Variants in SH3PXD2B observed in about 807,000 individuals in gnomAD.
SH3PXD2B encodes the protein SH3 and PX domains 2B, also known as SH3 and PX domain-containing protein 2B.
In SH3PXD2B, 37 loss-of-function variants were observed where a neutral mutation model predicts 73.1. The ratio of observed to expected loss-of-function variants is 0.51; its 90% CI spans 0.39 to 0.67. The LOEUF is 0.67. Ranked by LOEUF, SH3PXD2B falls within the 30% of genes least tolerant of loss-of-function variation. The pLI is 0.00. For missense variants in SH3PXD2B, 1,053 were observed against 1,197.8 expected (o/e 0.88, Z 1.78); for synonymous variants, 457 against 480.5 (o/e 0.95, Z 0.64).
At chr5:172,392,359 C>T (rs2113394595) in intron 4 of SH3PXD2B, among the ~76,000 whole-genome samples, 1 of 152,308 alleles carries the variant, frequency 6.6e-6, no homozygotes, top group Non-Finnish European at 1.5e-5. Context: ...CCTAGACTTC[C>T]AGTCTCCAGA....
At chr5:172,327,206 AATT>A (rs1174308492) in intron 12 of SH3PXD2B, among the ~76,000 whole-genome samples, 1 of 152,184 alleles carries the variant, frequency 6.6e-6, no homozygotes, top group Non-Finnish European at 1.5e-5. Flanking sequence ...AAACAATAAA[AATT>A]ATTATGCGCT....
At position 172,350,503 on chromosome 5, in the gene SH3PXD2B, G is replaced by T. The variant is rs761819354; in HGVS notation, c.872C>A (p.Ser291Ter). 6.2e-7 allele frequency: 1 copy of T among 1,614,054 alleles called. No homozygotes were observed. The highest frequency in any genetic ancestry group is 1.7e-5 in the Admixed American group (1 of 60,008). The change falls in exon 10 of 13, where the codon TCA becomes TAA. Residue 291 changes from serine (S) to a stop codon, truncating the protein, a stop_gained. Transcript: ENST00000311601. LOFTEE classifies it high-confidence loss of function. ...GTCAAGGGCACCCGGGTGGGAGGGTGAGCCAGGGCCTGGCTTCGGGGGCAA... is the reference window on the plus strand; with the variant it reads ...GTCAAGGGCACCCGGGTGGGAGGGTTAGCCAGGGCCTGGCTTCGGGGGCAA... ...EPLPPKPGPGSPSHPGALDLD... is the reference protein window; with the variant it reads ...EPLPPKPGPG
chr5:172,392,727 G>A (rs940023019), intron 4 of SH3PXD2B, among the ~76,000 whole-genome samples: 2 of 152,210 alleles, frequency 1.3e-5, no homozygotes, highest in African/African-American at 4.8e-5. Flanking sequence ...GGAGGTTGTA[G>A]TGAGCCGAGA....
intron 5 of SH3PXD2B, among the ~76,000 whole-genome samples, chr5:172,379,141 G>T (rs1166325830): frequency 6.7e-6 from 1 of 150,264 alleles, no homozygotes; most frequent in Non-Finnish European, 1.5e-5. Context: ...ACTAACCCCA[G>T]TGTGATGGTG....
rs528214105 is a variant in SH3PXD2B, at chr5:172,339,684, G to A, written c.1421C>T (p.Pro474Leu). ...CAACCCCGAGTCCATGACACCATGC[G>A]GTGCGTCAGGCAGGGGCCGGGAGGG... ...TGPSRPLPDA[P>L]HGVMDSGLPW... is the part of the protein sequence containing the mutation. Residue 474 changes from proline (P) to leucine (L), a missense_variant, in exon 13 of 13, where the codon CCG becomes CTG. Pro to Leu is a moderately conservative substitution (Grantham distance 98). Coordinates refer to ENST00000311601, the MANE Select transcript of SH3PXD2B (RefSeq NM_001017995.3). This position sits in a 1 kb window ranked among gnomAD's most constrained non-coding sequence, Gnocchi z 6.1. 1.3e-5 allele frequency: 21 copies of A among 1,614,244 alleles called. No homozygotes were observed. The Admixed American group carries it at 1.8e-4, about 14-fold the overall frequency.
intron 2 of SH3PXD2B, among the ~76,000 whole-genome samples, chr5:172,413,210 TGGGG>T: frequency 6.6e-6 from 1 of 152,212 alleles, no homozygotes; most frequent in Non-Finnish European, 1.5e-5. Context: ...CACAAGGTCC[TGGGG>T]CAGGGCTTTC....
At chr5:172,370,802 C>T (rs1394525712) in intron 6 of SH3PXD2B, among the ~76,000 whole-genome samples, 2 of 152,192 alleles carry the variant, frequency 1.3e-5, no homozygotes, top group African/African-American at 2.4e-5. Context: ...CAGGAGTCTC[C>T]ACTTAGGCTT....
chr5:172,437,127 C>T (rs1424542963), intron 1 of SH3PXD2B, among the ~76,000 whole-genome samples: 1 of 152,062 alleles, frequency 6.6e-6, no homozygotes, highest in Non-Finnish European at 1.5e-5. Context: ...TAAGTATGGT[C>T]CTCGTGGGTG....
At chr5:172,417,108 T>A (rs1048735586) in intron 2 of SH3PXD2B, among the ~76,000 whole-genome samples, 2 of 152,118 alleles carry the variant, frequency 1.3e-5, no homozygotes, top group Non-Finnish European at 2.9e-5. Flanking sequence ...CCTGCCCCCG[T>A]TGGAGGGGGC....
chr5:172,452,482 C>T (rs998303599), intron 1 of SH3PXD2B, among the ~76,000 whole-genome samples: 1 of 152,136 alleles, frequency 6.6e-6, no homozygotes, highest in Admixed American at 6.5e-5. Context: ...TTTTGGGGTC[C>T]AGCGGGCCTG....
chr5:172,373,344 C>T (rs559076627), intron 6 of SH3PXD2B, among the ~76,000 whole-genome samples: 90 of 152,314 alleles, frequency 5.9e-4, no homozygotes, highest in African/African-American at 2.1e-3. Flanking sequence ...TCCCTTATCA[C>T]ACCTGAGAAG....
intron 1 of SH3PXD2B, among the ~76,000 whole-genome samples, chr5:172,453,161 G>A (rs1178676255): frequency 1.3e-5 from 2 of 152,116 alleles, no homozygotes; most frequent in African/African-American, 4.8e-5. Context: ...GGGAGGCCAA[G>A]GAGCTTAATT....
At chr5:172,380,580 C>G (rs1561914156) in intron 5 of SH3PXD2B, among the ~76,000 whole-genome samples, 1 of 152,212 alleles carries the variant, frequency 6.6e-6, no homozygotes, top group Non-Finnish European at 1.5e-5. Flanking sequence ...TACCAGACAC[C>G]AACGCCAAAG....
At chr5:172,348,191 G>T (rs892932773) in intron 10 of SH3PXD2B, among the ~76,000 whole-genome samples, 1 of 152,174 alleles carries the variant, frequency 6.6e-6, no homozygotes, top group African/African-American at 2.4e-5. Context: ...TTGCAGCCAG[G>T]TATTGCCACG....
chr5:172,330,911 C>T (rs887769694), downstream of SH3PXD2B, among the ~76,000 whole-genome samples: 5 of 152,194 alleles, frequency 3.3e-5, no homozygotes, highest in African/African-American at 1.2e-4. Context: ...AAGTTAGATC[C>T]TGGCTGGGCG....
intron 1 of SH3PXD2B, among the ~76,000 whole-genome samples, chr5:172,423,019 C>T (rs1759008017): frequency 6.6e-6 from 1 of 152,080 alleles, no homozygotes; most frequent in Non-Finnish European, 1.5e-5. Context: ...CTTCCTCTGC[C>T]TCCTCTGCCT....
chr5:172,354,869 AC>A (rs922743961), intron 8 of SH3PXD2B, among the ~76,000 whole-genome samples: 27 of 151,658 alleles, frequency 1.8e-4, no homozygotes, highest in African/African-American at 6.5e-4. Flanking sequence ...TTATGGCCTC[AC>A]CCTCCTCCCT....
intron 2 of SH3PXD2B, among the ~76,000 whole-genome samples, chr5:172,414,881 C>G (rs567839637): frequency 6.6e-6 from 1 of 152,138 alleles, no homozygotes; most frequent in Non-Finnish European, 1.5e-5. Flanking sequence ...ACCTCTGCAC[C>G]TTTGCACATG....
At chr5:172,326,558 T>C (rs1328852479) in intron 12 of SH3PXD2B, among the ~76,000 whole-genome samples, 2 of 151,976 alleles carry the variant, frequency 1.3e-5, no homozygotes, top group Non-Finnish European at 2.9e-5. Flanking sequence ...TGAGGGAGGG[T>C]GTTCCATAAA....
Sources: gnomAD v4.1 joint callset for allele counts (sites outside exome capture counted in the v4.1 genomes callset) on GRCh38, gnomAD v4.1.1 for gene constraint, Gnocchi (gnomAD v3.1) non-coding constraint, MANE v1.5 for transcripts, NCBI Gene and HGNC (gene_info 2026-07-23, HGNC 2026-07-21) for gene names.